ANKRD26: variants seen among roughly 807,000 people sequenced by gnomAD.
The protein encoded by ANKRD26 is ankyrin repeat domain-containing protein 26.
ANKRD26 carries 141 observed loss-of-function variants against 208.7 expected under a neutral mutation model. The observed-to-expected ratio is 0.68, with a 90% CI of 0.59 to 0.78. The LOEUF (loss-of-function observed/expected upper bound fraction) is 0.78, where lower values mean the gene tolerates loss of function less well. Ranked by LOEUF, ANKRD26 falls within the 30% of genes least tolerant of loss-of-function variation. ANKRD26 has a pLI of 0.00. For missense variants in ANKRD26, 1,889 were observed against 1,938.7 expected (o/e 0.97, Z 0.48); for synonymous variants, 636 against 660.4 (o/e 0.96, Z 0.57).
the ANKRD26 span, among the ~76,000 whole-genome samples, chr10:26,960,871 G>C: frequency 6.6e-6 from 1 of 152,150 alleles, no homozygotes; most frequent in Non-Finnish European, 1.5e-5. Flanking sequence ...ACAACAGTGG[G>C]GGGTAGCCTC....
intron 1 of ANKRD26, 63 bp downstream of exon 1, chr10:27,100,022 G>T (rs529877316): frequency 1.2e-6 from 2 of 1,607,200 alleles, no homozygotes; most frequent in Non-Finnish European, 1.7e-6. Flanking sequence ...TCCCACAAAA[G>T]GGGCCCCTCT....
In ANKRD26 at chr10:27,037,354, G is replaced by C. The variant is rs370249473; in HGVS notation, c.2560-31C>G. 8 of 1,612,130 alleles carry C rather than the reference G, an allele frequency of 5.0e-6. No individual in the cohort carries two copies. The East Asian group carries it at 1.1e-4, about 22-fold the overall frequency. On this transcript the variant is annotated intron_variant, in intron 22 of 33. Coordinates refer to ENST00000376087, the MANE Select transcript of ANKRD26 (RefSeq NM_014915.3). ...GATACATTAAGTTTTAGGTCTATTA[G>C]CATTTTGTAAAAGTCTAAAAGGTTA...
intron 20 of ANKRD26, among the ~76,000 whole-genome samples, chr10:27,042,888 C>A (rs986722107): frequency 1.4e-5 from 2 of 144,606 alleles, no homozygotes; most frequent in African/African-American, 5.2e-5. Context: ...ATCGCTTGAA[C>A]CCGGGAGGTG....
intron 15 of ANKRD26, among the ~76,000 whole-genome samples, 170 bp from the exon 16 acceptor site, chr10:27,053,560 G>A (rs559945432): frequency 1.6e-4 from 24 of 152,278 alleles, no homozygotes; most frequent in African/African-American, 5.8e-4. Flanking sequence ...CTGGAGTGCA[G>A]TGGCGCAATC....
At chr10:27,046,238 G>A (rs2054438985) in intron 18 of ANKRD26, 115 bp downstream of exon 18, 1 of 1,076,064 alleles carries the variant, frequency 9.3e-7, no homozygotes, top group Non-Finnish European at 1.4e-6. Context: ...TAATCTTTCA[G>A]CAGCATGGAA....
chr10:26,988,897 GTATCTTCTCCTGTTCGTTTT>G (rs1589169932), downstream of ANKRD26, among the ~76,000 whole-genome samples: 2 of 140,742 alleles, frequency 1.4e-5, no homozygotes, highest in East Asian at 2.2e-4. Context: ...AAAAAAAAAT[GTATCTTCTCCTGTTCGTTTT>G]TATCTTCTCC....
At chr10:27,026,636 T>C (rs1487925414) in intron 27 of ANKRD26, among the ~76,000 whole-genome samples, 1 of 152,196 alleles carries the variant, frequency 6.6e-6, no homozygotes, top group Non-Finnish European at 1.5e-5. Context: ...CTTCTGATCT[T>C]CATTTCTACA....
intron 9 of ANKRD26, among the ~76,000 whole-genome samples, chr10:27,069,413 A>G (rs2055397466): frequency 6.6e-6 from 1 of 152,134 alleles, no homozygotes; most frequent in Non-Finnish European, 1.5e-5. Context: ...AGCGTCAGGA[A>G]CAATGTCCAC....
intron 25 of ANKRD26, chr10:27,030,737 C>T (rs1564370007): frequency 1.0e-5 from 3 of 287,450 alleles, no homozygotes; most frequent in Non-Finnish European, 1.6e-5. Context: ...AGAATAACCA[C>T]CTATGTTAGC....
rs373580951 is a variant in ANKRD26 at position 27,077,379 on chromosome 10, T to C, written c.1036A>G (p.Lys346Glu). The stretch of plus-strand genomic sequence containing the variant: ...TTTGCTAACGACTTGTGGGAAGGTT[T>C]TGGAAGAAGGTCAGGTGATTGATAG... ...PTYQSPDLLP[K>E]PSHKSLANPG... The change falls in exon 9 of 34, where the codon AAA becomes GAA. Residue 346 changes from lysine (K) to glutamate (E), a missense_variant. By Grantham distance (56) the Lys-to-Glu change is moderately conservative. Coordinates refer to ENST00000376087, the MANE Select transcript of ANKRD26 (RefSeq NM_014915.3). 3.1e-6 allele frequency: 5 copies of C among 1,613,974 alleles called. No individual in the cohort carries two copies. Among genetic ancestry groups the C allele is most frequent in the Non-Finnish European group, 4.2e-6 (5 of 1,180,002 alleles).
chr10:27,036,924 C>A (rs534818955), intron 23 of ANKRD26, among the ~76,000 whole-genome samples: 1 of 152,026 alleles, frequency 6.6e-6, no homozygotes. Flanking sequence ...TCAATTCTTA[C>A]GGAAGATATT....
intron 4 of ANKRD26, among the ~76,000 whole-genome samples, chr10:26,997,569 T>C (rs569030791): frequency 6.6e-6 from 1 of 152,258 alleles, no homozygotes; most frequent in South Asian, 2.1e-4. Flanking sequence ...CGGTTTAACA[T>C]TTTTCTGAGA....
chr10:26,992,597 A>G (rs1016324586), intron 5 of ANKRD26, among the ~76,000 whole-genome samples: 2 of 152,102 alleles, frequency 1.3e-5, no homozygotes, highest in African/African-American at 2.4e-5. Flanking sequence ...TGCCTCCTCA[A>G]TTAGAGCAGT....
rs969453988 is a variant in ANKRD26, at chr10:27,023,504, G to C, written c.4086-817C>G. Among the ~76,000 whole-genome samples the C allele has an allele frequency of 2.6e-5, 4 of 151,630 alleles. No homozygotes were observed. The East Asian group carries it at 5.8e-4, about 22-fold the overall frequency. ...TCAAGATCATTCAAAGTAGATAAGA[G>C]ACAGGAAAGAAACATTTTTGACGTC... On this transcript the variant is annotated intron_variant, in intron 28 of 33. Transcript: ENST00000376087.
chr10:27,075,303 GA>G (rs2055656809), intron 9 of ANKRD26, among the ~76,000 whole-genome samples: 1 of 152,076 alleles, frequency 6.6e-6, no homozygotes, highest in Admixed American at 6.5e-5. Flanking sequence ...TGGCAGAATG[GA>G]TTTTTAAAAA....
At chr10:27,017,832 T>A in intron 29 of ANKRD26, 40 bp from the exon 30 acceptor site, 1 of 1,573,298 alleles carries the variant, frequency 6.4e-7, no homozygotes, top group Non-Finnish European at 8.6e-7. Flanking sequence ...ATGAAGGAAG[T>A]AGCCTGAGAA....
At chr10:27,040,703 G>C (rs1044673511) in intron 20 of ANKRD26, among the ~76,000 whole-genome samples, 1 of 152,134 alleles carries the variant, frequency 6.6e-6, no homozygotes, top group African/African-American at 2.4e-5. Flanking sequence ...AGTGGACTCA[G>C]GCAATGAACA....
downstream of ANKRD26, among the ~76,000 whole-genome samples, chr10:27,002,113 G>C (rs2052738662): frequency 6.6e-6 from 1 of 152,126 alleles, no homozygotes; most frequent in Non-Finnish European, 1.5e-5. Flanking sequence ...CAGCATAAGA[G>C]GGTGGCCTGG....
intron 15 of ANKRD26, among the ~76,000 whole-genome samples, chr10:27,060,104 G>A (rs2054996285): frequency 1.3e-5 from 2 of 151,928 alleles, no homozygotes; most frequent in African/African-American, 4.8e-5. Context: ...TCAGGAGGCT[G>A]AGGCAGGAGA....
Sources: allele counts gnomAD v4.1 joint callset (sites outside exome capture counted in the v4.1 genomes callset), GRCh38; gene constraint gnomAD v4.1.1; transcripts MANE v1.5; gene names NCBI Gene and HGNC (gene_info 2026-07-23, HGNC 2026-07-21).